SYT3: variants seen among roughly 807,000 people sequenced by gnomAD.
SYT3 encodes the protein synaptotagmin-3.
A neutral mutation model predicts 50.6 loss-of-function variants in SYT3; 25 were observed. That is an observed-to-expected ratio of 0.49 (90% CI 0.36 to 0.69). The LOEUF is 0.69. SYT3 is among the 30% of genes least tolerant of loss of function. The pLI, the probability that SYT3 is intolerant of heterozygous loss-of-function variation, is 0.00. For synonymous variants in SYT3, 323 were observed against 353.9 expected, an observed-to-expected ratio of 0.91 and a Z score of 0.98; for missense variants, 589 against 793.6, an observed-to-expected ratio of 0.74 and a Z score of 3.10.
Position 50,625,764 on chromosome 19 carries a change from TC to T in SYT3, c.1402+132del. The T allele has an allele frequency of 2.6e-6, 2 of 764,124 alleles. No homozygotes were observed. Among genetic ancestry groups the T allele is most frequent in the Non-Finnish European group, 2.0e-6 (1 of 499,108 alleles). 47.3% of individuals were successfully genotyped at this position (764,124 alleles called of 1,614,324 possible). A position where few individuals can be genotyped will look rare whatever the true frequency, so the allele number is the denominator to read the frequency against. On this transcript the variant is annotated intron_variant, in intron 7 of 10. Transcript: ENST00000600079. This position sits in a 1 kb window ranked among gnomAD's most constrained non-coding sequence, Gnocchi z 7.5. ...AGGAGTCCAGGCCCCTGGCCCCTCC[TC>T]CCTCAGACCCAGGAGTCCAGATCCC...
At chr19:50,635,990 T>C (rs1306944650) in intron 3 of SYT3, among the ~76,000 whole-genome samples, 1 of 152,104 alleles carries the variant, frequency 6.6e-6, no homozygotes, top group Non-Finnish European at 1.5e-5. Context: ...TGGTGGCTCA[T>C]GCCTGTAATC....
intron 4 of SYT3, among the ~76,000 whole-genome samples, chr19:50,631,920 C>T (rs1984320086): frequency 6.6e-6 from 1 of 152,040 alleles, no homozygotes; most frequent in African/African-American, 2.4e-5. Context: ...ACTCCAGGTC[C>T]CACTACCAAT....
chr19:50,646,931 C>T, the SYT3 span, among the ~76,000 whole-genome samples: 2 of 152,132 alleles, frequency 1.3e-5, no homozygotes, highest in South Asian at 2.1e-4. Flanking sequence ...CCCGGGCTCA[C>T]GCCATTCTCC....
chr19:50,649,658 T>C, the SYT3 span: 363 of 917,426 alleles, frequency 4.0e-4, 1 homozygote, highest in African/African-American at 5.3e-3. Flanking sequence ...ACCAGATTCC[T>C]GGAGAGCGGC....
chr19:50,655,539 C>G, the SYT3 span, among the ~76,000 whole-genome samples: 15 of 152,114 alleles, frequency 9.9e-5, no homozygotes, highest in African/African-American at 3.4e-4. Context: ...GTCTCAGCTA[C>G]TCGGGAGGCT....
chr19:50,645,004 T>A, the SYT3 span, among the ~76,000 whole-genome samples: 1 of 152,170 alleles, frequency 6.6e-6, no homozygotes, highest in Non-Finnish European at 1.5e-5. Flanking sequence ...TTCACACACA[T>A]ATGTGCCTGG....
In SYT3 at chr19:50,632,203, C is replaced by T. The variant is rs1484872876; in HGVS notation, c.674+83G>A. 4.2e-6 allele frequency: 6 copies of T among 1,412,568 alleles called. No individual in the cohort carries two copies. Among genetic ancestry groups the T allele is most frequent in the Middle Eastern group, 5.0e-4 (2 of 4,004 alleles). 87.5% of individuals were successfully genotyped at this position (1,412,568 alleles called of 1,614,324 possible). ...CCCCGATTCCCCTCCAAATCCCGAA[C>T]TCATAAGAGCTATAGATAGGAAAGA... On this transcript the variant is annotated intron_variant, in intron 4 of 10. Transcript: ENST00000600079. This position sits in a 1 kb window ranked among gnomAD's most constrained non-coding sequence, Gnocchi z 4.7.
intron 6 of SYT3, 23 bp downstream of exon 6, chr19:50,629,271 G>A (rs1356368499): frequency 6.4e-7 from 1 of 1,572,536 alleles, no homozygotes; most frequent in Non-Finnish European, 8.7e-7. Flanking sequence ...GGAAGGGGAA[G>A]GTCAGGGGAG....
intron 6 of SYT3, among the ~76,000 whole-genome samples, chr19:50,628,342 G>C (rs1024255919): frequency 1.3e-5 from 2 of 152,162 alleles, no homozygotes; most frequent in Non-Finnish European, 2.9e-5. Flanking sequence ...GAGGTACAGG[G>C]AGAATGAGAT....
intron 9 of SYT3, among the ~76,000 whole-genome samples, chr19:50,623,459 T>C (rs575335249): frequency 2.0e-5 from 3 of 151,986 alleles, no homozygotes; most frequent in Non-Finnish European, 4.4e-5. Flanking sequence ...GTGCCCCAAA[T>C]GCAGCAATCA....
At chr19:50,657,902 T>C in the SYT3 span, 1 of 1,426,556 alleles carries the variant, frequency 7.0e-7, no homozygotes, top group African/African-American at 1.4e-5. Flanking sequence ...TGTGGCAGGT[T>C]CTGCAGGTGG....
intron 4 of SYT3, among the ~76,000 whole-genome samples, chr19:50,630,572 A>ATC (rs1984266900): frequency 6.6e-6 from 1 of 152,050 alleles, no homozygotes; most frequent in Non-Finnish European, 1.5e-5. Context: ...ACAGGCATGC[A>ATC]CCACCATATC....
In SYT3 at chr19:50,639,578, C is replaced by T. The variant is rs1211639921; in HGVS notation, c.-154+212G>A. ...TCCCCCCGCGCTGGGGATCGGTGGG[C>T]GAGGGGTGGGATACACCCAGGTGTT... On this transcript the variant is annotated intron_variant, in intron 1 of 10. Coordinates refer to ENST00000600079, the MANE Select transcript of SYT3 (RefSeq NM_001160329.2). This position sits in a 1 kb window ranked among gnomAD's most constrained non-coding sequence, Gnocchi z 4.6. Among the ~76,000 whole-genome samples the T allele has an allele frequency of 1.3e-5, 2 of 151,888 alleles. No individual in the cohort carries two copies. The highest frequency in any genetic ancestry group is 2.9e-5 in the Non-Finnish European group (2 of 67,920).
intron 4 of SYT3, among the ~76,000 whole-genome samples, chr19:50,631,729 A>T (rs977912958): frequency 1.3e-5 from 2 of 151,478 alleles, no homozygotes; most frequent in Non-Finnish European, 2.9e-5. Context: ...CGGTTCCCTG[A>T]GTCGCTTTCC....
At chr19:50,636,624 C>T (rs1984502549) in intron 3 of SYT3, among the ~76,000 whole-genome samples, 1 of 152,244 alleles carries the variant, frequency 6.6e-6, no homozygotes, top group Admixed American at 6.5e-5. Context: ...CTGCTGCTTT[C>T]TAGCTGTGTG....
In SYT3 at chr19:50,625,228, G is replaced by A. The variant is rs1431914047; in HGVS notation, c.1641C>T (p.Arg547=). The A allele has an allele frequency of 3.1e-6, 5 of 1,588,020 alleles. No individual in the cohort carries two copies. The highest frequency in any genetic ancestry group is 2.3e-5 in the East Asian group (1 of 44,028). The stretch of plus-strand genomic sequence containing the variant: ...TGGCCAGCATCTCTGCCCAGTGCTC[G>A]CGGCCGTGCGGGTCGGCAGCGTCGG... ...VGPDAADPHG[R]EHWAEMLANP... Residue 547 remains arginine, a synonymous_variant, in exon 9 of 11, where the codon CGC becomes CGT. Transcript: ENST00000600079. This position sits in a 1 kb window ranked among gnomAD's most constrained non-coding sequence, Gnocchi z 7.5.
chr19:50,626,281 A>C, intron 6 of SYT3: 1 of 424,992 alleles, frequency 2.4e-6, no homozygotes, highest in East Asian at 5.2e-5. Flanking sequence ...GAGACAGAGA[A>C]GGTGAGAGAG....
In SYT3 at chr19:50,632,651, AC is replaced by A; in HGVS notation, c.308del (p.Gly103ValfsTer8). On this transcript the variant is annotated frameshift_variant, in exon 4 of 11. Transcript: ENST00000600079. LOFTEE classifies it high-confidence loss of function. This position sits in a 1 kb window ranked among gnomAD's most constrained non-coding sequence, Gnocchi z 4.7. Reference protein sequence around the residue: ...GGPLRKDLGPGVGLAGLVGGG... With the variant: ...GGPLRKDLGPXVGLAGLVGGG... ...CGCCTACCAGGCCTGCCAGCCCGAC[AC>A]CAGGGCCTAGGTCTTTGCGCAGGGG... 6.3e-7 allele frequency: 1 copy of A among 1,586,358 alleles called. No homozygotes were observed. Among genetic ancestry groups the A allele is most frequent in the South Asian group, 1.1e-5 (1 of 89,640 alleles).
At chr19:50,651,002 G>A in the SYT3 span, among the ~76,000 whole-genome samples, 1 of 152,198 alleles carries the variant, frequency 6.6e-6, no homozygotes, top group Non-Finnish European at 1.5e-5. Flanking sequence ...TTTCGATTTT[G>A]CTGTTTTCTT....
Sources: gnomAD v4.1 joint callset for allele counts (sites outside exome capture counted in the v4.1 genomes callset) on GRCh38, gnomAD v4.1.1 for gene constraint, Gnocchi (gnomAD v3.1) non-coding constraint, MANE v1.5 for transcripts, NCBI Gene and HGNC (gene_info 2026-07-23, HGNC 2026-07-21) for gene names.